The following SSBP2 variants were observed in gnomAD, a reference collection of about 807,000 sequenced individuals.
SSBP2 encodes single-stranded DNA-binding protein 2.
Under a neutral mutation model 61.8 loss-of-function variants are expected in SSBP2, and 17 were observed. The observed-to-expected ratio is 0.28, with a 90% CI of 0.19 to 0.41. The LOEUF (loss-of-function observed/expected upper bound fraction) is 0.41, where lower values mean the gene tolerates loss of function less well. SSBP2 is among the 10% of genes least tolerant of loss of function. The pLI, the probability that SSBP2 is intolerant of heterozygous loss-of-function variation, is 1.00. For synonymous variants in SSBP2, 139 were observed against 141.3 expected (o/e 0.98, Z 0.12); for missense variants, 310 against 458.7 (o/e 0.68, Z 2.96).
At chr5:81,548,815 G>A (rs1246061541) in intron 4 of SSBP2, among the ~76,000 whole-genome samples, 2 of 152,070 alleles carry the variant, frequency 1.3e-5, no homozygotes, top group African/African-American at 2.4e-5. Context: ...ACAGCTACTC[G>A]GGAGGCTGAG....
chr5:81,420,617 A>G (rs529884017), intron 16 of SSBP2, 84 bp from the exon 17 acceptor site: 14 of 1,130,012 alleles, frequency 1.2e-5, no homozygotes, highest in Admixed American at 1.1e-4. Flanking sequence ...GAAACGATGA[A>G]TTCTAATTTC....
chr5:81,601,432 C>T (rs908661145), intron 4 of SSBP2, among the ~76,000 whole-genome samples: 20 of 152,064 alleles, frequency 1.3e-4, no homozygotes, highest in African/African-American at 4.8e-4. Context: ...ACTAAATACA[C>T]ACACACAAGT....
chr5:81,578,562 G>C (rs542824505), intron 4 of SSBP2, among the ~76,000 whole-genome samples: 1 of 151,172 alleles, frequency 6.6e-6, no homozygotes, highest in Non-Finnish European at 1.5e-5. Flanking sequence ...AGCAGTAAAA[G>C]GGAAAGAAAA....
At chr5:81,486,651 C>T (rs531142321) in intron 6 of SSBP2, among the ~76,000 whole-genome samples, 2 of 152,222 alleles carry the variant, frequency 1.3e-5, no homozygotes, top group South Asian at 2.1e-4. Context: ...ACTCAGGCAC[C>T]TATATAAGTA....
intron 3 of SSBP2, among the ~76,000 whole-genome samples, chr5:81,626,150 G>C (rs1246952519): frequency 6.6e-6 from 1 of 152,154 alleles, no homozygotes; most frequent in Non-Finnish European, 1.5e-5. Flanking sequence ...TGTATAACTT[G>C]TATTAATATT....
At chr5:81,594,376 C>A (rs1349922244) in intron 4 of SSBP2, among the ~76,000 whole-genome samples, 1 of 152,128 alleles carries the variant, frequency 6.6e-6, no homozygotes, top group African/African-American at 2.4e-5. Flanking sequence ...GACTTAGACT[C>A]CCACACAATA....
chr5:81,544,624 A>C (rs531705225), intron 4 of SSBP2, among the ~76,000 whole-genome samples: 11 of 152,312 alleles, frequency 7.2e-5, no homozygotes, highest in African/African-American at 2.6e-4. Context: ...GCAGGGGGAG[A>C]ACAAAACTAA....
At chr5:81,654,817 C>T (rs764655797) in intron 1 of SSBP2, among the ~76,000 whole-genome samples, 28 of 152,016 alleles carry the variant, frequency 1.8e-4, no homozygotes, top group Admixed American at 1.2e-3. Flanking sequence ...TGTCTAGTAA[C>T]GTGAGATCAC....
At chr5:81,450,583 GAACTCTT>G (rs1763705258) in intron 10 of SSBP2, among the ~76,000 whole-genome samples, 1 of 152,126 alleles carries the variant, frequency 6.6e-6, no homozygotes, top group Admixed American at 6.5e-5. Flanking sequence ...TCATATCCTA[GAACTCTT>G]TACTGAACAA....
chr5:81,415,539 T>A lies in SSBP2; in HGVS notation c.*4965A>T, dbSNP rs1429839508. 1 of 152,138 alleles carries A rather than the reference T, an allele frequency of 6.6e-6. No individual in the cohort carries two copies. The highest frequency in any genetic ancestry group is 2.4e-5 in the African/African-American group (1 of 41,400). 9.4% of individuals were successfully genotyped at this position (152,138 alleles called of 1,614,324 possible). A position where few individuals can be genotyped will look rare whatever the true frequency, so the allele number is the denominator to read the frequency against. Reference sequence around the variant, plus strand: ...TATAAAAATTTTTTCCAATATTTTTTATCAGGAGTTGATTGAATCAGGGAT... The same window carrying A: ...TATAAAAATTTTTTCCAATATTTTTAATCAGGAGTTGATTGAATCAGGGAT... On this transcript the variant is annotated 3_prime_UTR_variant, in exon 17 of 17. Transcript: ENST00000320672.
rs369622503 is a variant in SSBP2, at chr5:81,721,883, T to C, written c.62+29098A>G. Among the ~76,000 whole-genome samples, 42 of 152,238 alleles carry C rather than the reference T, an allele frequency of 2.8e-4. No individual in the cohort carries two copies. In the East Asian group the frequency reaches 7.1e-3, roughly 26 times the overall value. ...GATAATTTGTTCAAAAACACTGGAC[T>C]CTATGCACATGAGTATCACCTCCTG... On this transcript the variant is annotated intron_variant, in intron 1 of 16. Transcript: ENST00000320672.
intron 1 of SSBP2, among the ~76,000 whole-genome samples, chr5:81,708,804 G>A (rs2153923662): frequency 6.6e-6 from 1 of 152,020 alleles, no homozygotes; most frequent in East Asian, 1.9e-4. Context: ...AGTGATCCAG[G>A]TAAGGTACTA....
At chr5:81,456,325 A>G (rs934074546) in intron 10 of SSBP2, among the ~76,000 whole-genome samples, 1 of 134,654 alleles carries the variant, frequency 7.4e-6, no homozygotes, top group Non-Finnish European at 1.6e-5. Context: ...CATTCCTTTA[A>G]TTTTCTTTAG....
chr5:81,514,328 C>G (rs953747419), intron 4 of SSBP2, among the ~76,000 whole-genome samples: 1 of 151,378 alleles, frequency 6.6e-6, no homozygotes, highest in African/African-American at 2.4e-5. Flanking sequence ...AGAGAATAGT[C>G]TCATACAAAT....
At chr5:81,579,751 T>G (rs939643299) in intron 4 of SSBP2, among the ~76,000 whole-genome samples, 1 of 152,046 alleles carries the variant, frequency 6.6e-6, no homozygotes, top group Non-Finnish European at 1.5e-5. Flanking sequence ...AAATGGAAGC[T>G]GTCAAATAGC....
chr5:81,733,638 C>CA (rs1223830461), intron 1 of SSBP2, among the ~76,000 whole-genome samples: 1 of 152,166 alleles, frequency 6.6e-6, no homozygotes, highest in African/African-American at 2.4e-5. Flanking sequence ...GTATCTGTTA[C>CA]AAAATCTAAA....
intron 5 of SSBP2, among the ~76,000 whole-genome samples, chr5:81,495,568 T>C (rs1465832237): frequency 6.6e-6 from 1 of 152,164 alleles, no homozygotes; most frequent in African/African-American, 2.4e-5. Context: ...CCACTTATCA[T>C]AGAGGATTTA....
chr5:81,720,671 C>A (rs923467360), intron 1 of SSBP2, among the ~76,000 whole-genome samples: 2 of 152,214 alleles, frequency 1.3e-5, no homozygotes, highest in Non-Finnish European at 2.9e-5. Context: ...TCCCCCCTCT[C>A]TGCCTCTAAG....
At chr5:81,559,436 T>A (rs2153407291) in intron 4 of SSBP2, among the ~76,000 whole-genome samples, 1 of 150,082 alleles carries the variant, frequency 6.7e-6, no homozygotes, top group South Asian at 2.1e-4. Flanking sequence ...ATGCCTGTAG[T>A]CCCAGCTATT....
Sources: allele counts gnomAD v4.1 joint callset (sites outside exome capture counted in the v4.1 genomes callset), GRCh38; gene constraint gnomAD v4.1.1; transcripts MANE v1.5; gene names NCBI Gene and HGNC (gene_info 2026-07-23, HGNC 2026-07-21).